Variants in SLC12A4 observed in about 807,000 individuals in gnomAD.
SLC12A4 encodes the protein solute carrier family 12 member 4, also known as electroneutral potassium-chloride cotransporter 1.
SLC12A4 carries 84 observed loss-of-function variants against 119.2 expected under a neutral mutation model. The ratio of observed to expected loss-of-function variants is 0.70; its 90% CI spans 0.59 to 0.85. The LOEUF (loss-of-function observed/expected upper bound fraction) is 0.85, where lower values mean the gene tolerates loss of function less well. Ranked by LOEUF, SLC12A4 falls within the 40% of genes least tolerant of loss-of-function variation. The pLI is 0.00. For synonymous variants in SLC12A4, 599 were observed against 604.6 expected (o/e 0.99, Z 0.14); for missense variants, 1,298 against 1,476.3 (o/e 0.88, Z 1.98).
At chr16:67,956,833 CATAT>C (rs3842354) in intron 5 of SLC12A4, among the ~76,000 whole-genome samples, 4 of 149,264 alleles carry the variant, frequency 2.7e-5, no homozygotes, top group South Asian at 2.1e-4. Context: ...CACACACACA[CATAT>C]ATATATATAT....
In SLC12A4 at chr16:67,947,323, G is replaced by C. The variant is rs528402521; in HGVS notation, c.2072+8C>G. 6.2e-6 allele frequency: 10 copies of C among 1,608,716 alleles called. No homozygotes were observed. The highest frequency in any genetic ancestry group is 8.5e-6 in the Non-Finnish European group (10 of 1,177,016). On this transcript the variant is annotated splice_region_variant and intron_variant, in intron 16 of 23. Coordinates refer to ENST00000316341, the MANE Select transcript of SLC12A4 (RefSeq NM_005072.5). Reference sequence around the variant, plus strand: ...CTGCGCCCTGGCCAGGGTCTGGCGGGAACTCACCGCCAGTTCTTGGTGTGA... The same window carrying C: ...CTGCGCCCTGGCCAGGGTCTGGCGGCAACTCACCGCCAGTTCTTGGTGTGA...
intron 1 of SLC12A4, chr16:67,963,984 C>A: frequency 6.4e-7 from 1 of 1,551,300 alleles, no homozygotes; most frequent in Non-Finnish European, 8.7e-7. Flanking sequence ...CCAGGCAGTG[C>A]CCTCCAGATA....
intron 1 of SLC12A4, chr16:67,964,095 G>A (rs944149566): frequency 3.8e-5 from 58 of 1,522,768 alleles, no homozygotes; most frequent in Non-Finnish European, 4.9e-5. Context: ...GGGCAGCCCG[G>A]GGCATGCCGG....
chr16:67,963,663 G>A (rs1730553588), intron 1 of SLC12A4, 104 bp from the exon 2 acceptor site: 1 of 924,576 alleles, frequency 1.1e-6, no homozygotes, highest in South Asian at 1.7e-5. Context: ...GCACTTTGGA[G>A]CTGCAGTGTC....
chr16:67,943,998 T>C lies in SLC12A4; in HGVS notation c.*842A>G. ...ACTGAGCTCAGCCTTGGGCGTGGTG[T>C]GCGGGGGGAAGAGCACATTGAGGAG... On this transcript the variant is annotated 3_prime_UTR_variant, in exon 24 of 24. Coordinates refer to ENST00000316341, the MANE Select transcript of SLC12A4 (RefSeq NM_005072.5). This position sits in a 1 kb window ranked among gnomAD's most constrained non-coding sequence, Gnocchi z 4.6. The C allele has an allele frequency of 1.9e-6, 3 of 1,548,164 alleles. No homozygotes were observed. The highest frequency in any genetic ancestry group is 2.6e-6 in the Non-Finnish European group (3 of 1,145,768).
At position 67,951,247 on chromosome 16, in the gene SLC12A4, G is replaced by A. The variant is rs1376037749; in HGVS notation, c.1190C>T (p.Pro397Leu). Residue 397 changes from proline (P) to leucine (L), a missense_variant, in exon 9 of 24, where the codon CCC becomes CTC. By Grantham distance (98) the Pro-to-Leu change is moderately conservative. Coordinates refer to ENST00000316341, the MANE Select transcript of SLC12A4 (RefSeq NM_005072.5). This position sits in a 1 kb window ranked among gnomAD's most constrained non-coding sequence, Gnocchi z 5.2. ...KGDIVEKHGL[P>L]SADAPSLKES... ...CTTCAGGCTCGGGGCATCTGCGGAG[G>A]GCAGCCCATGCTTCTCCACGATGTC... 2.5e-6 allele frequency: 4 copies of A among 1,614,036 alleles called. No homozygotes were observed. In the South Asian group the frequency reaches 4.4e-5, roughly 18 times the overall value.
rs779482039 is a variant in SLC12A4 at position 67,946,158 on chromosome 16, C to T, written c.2607+13G>A. 4 of 1,613,718 alleles carry T rather than the reference C, an allele frequency of 2.5e-6. No homozygotes were observed. The highest frequency in any genetic ancestry group is 3.3e-5 in the Admixed American group (2 of 60,026). ...GCCTAGCCCCTCTCATCTGCACCCA[C>T]CCCCTGGTCTACCTTATGCTGGCGC... is the stretch of plus-strand genomic sequence containing the variant. On this transcript the variant is annotated intron_variant, in intron 19 of 23. Coordinates refer to ENST00000316341, the MANE Select transcript of SLC12A4 (RefSeq NM_005072.5).
At chr16:67,966,717 C>A (rs760654159) in intron 1 of SLC12A4, 5 of 1,551,014 alleles carry the variant, frequency 3.2e-6, no homozygotes, top group Non-Finnish European at 3.5e-6. Flanking sequence ...GCCCTCTGAC[C>A]CTTTGCAGTC....
chr16:67,944,251 G>A lies in SLC12A4; in HGVS notation c.*589C>T. The A allele has an allele frequency of 7.0e-7, 1 of 1,429,986 alleles. No individual in the cohort carries two copies. The highest frequency in any genetic ancestry group is 2.7e-5 in the Admixed American group (1 of 36,868). The allele number at this position is 1,429,986 out of a possible 1,614,324, so 88.6% of individuals were successfully genotyped here. A position where few individuals can be genotyped will look rare whatever the true frequency, so the allele number is the denominator to read the frequency against. Reference sequence around the variant, plus strand: ...TGCCGGAAAGGGGCACAGCCTCAGGGAGCCGGCTCTGGGCCTGGGTTCAGT... The same window carrying A: ...TGCCGGAAAGGGGCACAGCCTCAGGAAGCCGGCTCTGGGCCTGGGTTCAGT... On this transcript the variant is annotated 3_prime_UTR_variant, in exon 24 of 24. Coordinates refer to ENST00000316341, the MANE Select transcript of SLC12A4 (RefSeq NM_005072.5). The surrounding 1 kb of genome is among the most constrained non-coding windows in gnomAD (Gnocchi z 6.6).
Position 67,950,228 on chromosome 16 carries a change from G to A in SLC12A4, c.1629+91C>T, listed in dbSNP as rs1347420028. The A allele has an allele frequency of 1.4e-6, 2 of 1,472,822 alleles. No homozygotes were observed. The highest frequency in any genetic ancestry group is 9.2e-7 in the Non-Finnish European group (1 of 1,085,028). 91.2% of individuals were successfully genotyped at this position (1,472,822 alleles called of 1,614,324 possible). A position where few individuals can be genotyped will look rare whatever the true frequency, so the allele number is the denominator to read the frequency against. On this transcript the variant is annotated intron_variant, in intron 12 of 23. Coordinates refer to ENST00000316341, the MANE Select transcript of SLC12A4 (RefSeq NM_005072.5). This position sits in a 1 kb window ranked among gnomAD's most constrained non-coding sequence, Gnocchi z 4.3. ...CTGGCCCCGGGGGCCAATAAGGGCA[G>A]GACGTGCTGCATCTGTGTTCCCTAT...
At position 67,945,527 on chromosome 16, in the gene SLC12A4, C is replaced by T. The variant is rs775304390; in HGVS notation, c.2874G>A (p.Ser958=). Residue 958 remains serine, a synonymous_variant, in exon 22 of 24, where the codon TCG becomes TCA. Coordinates refer to ENST00000316341, the MANE Select transcript of SLC12A4 (RefSeq NM_005072.5). ...REAQLVKDRH[S]ALRLESLYSD... ...AGTACAGGCTCTCCAGCCGCAGGGC[C>T]GAGTGCCGATCCTTGACCAGCTGGG... 6.2e-6 allele frequency: 10 copies of T among 1,613,746 alleles called. No individual in the cohort carries two copies. Among genetic ancestry groups the T allele is most frequent in the South Asian group, 5.5e-5 (5 of 91,080 alleles).
chr16:67,946,250 T>A lies in SLC12A4; in HGVS notation c.2528A>T (p.Glu843Val), dbSNP rs1224594991. Residue 843 changes from glutamate (E) to valine (V), a missense_variant, in exon 19 of 24, where the codon GAG becomes GTG. Glu to Val is a moderately radical substitution (Grantham distance 121, BLOSUM62 -2). Transcript: ENST00000316341. ...FYPSNHERYL[E>V]GHIDVWWIVH... Reference sequence around the variant, plus strand: ...GATCCACCACACGTCTATGTGGCCCTCCAGGTAGCGCTCGTGGTTGCTGGG... The same window carrying A: ...GATCCACCACACGTCTATGTGGCCCACCAGGTAGCGCTCGTGGTTGCTGGG... 3 of 1,613,646 alleles carry A rather than the reference T, an allele frequency of 1.9e-6. No homozygotes were observed. Among genetic ancestry groups the A allele is most frequent in the Non-Finnish European group, 2.5e-6 (3 of 1,180,018 alleles).
At position 67,950,623 on chromosome 16, in the gene SLC12A4, G is replaced by A. The variant is rs1382870841; in HGVS notation, c.1454+31C>T. 6.8e-6 allele frequency: 11 copies of A among 1,609,452 alleles called. No individual in the cohort carries two copies. Among genetic ancestry groups the A allele is most frequent in the South Asian group, 3.3e-5 (3 of 90,498 alleles). On this transcript the variant is annotated intron_variant, in intron 11 of 23. Transcript: ENST00000316341. The surrounding 1 kb of genome is among the most constrained non-coding windows in gnomAD (Gnocchi z 4.3). Reference sequence around the variant, plus strand: ...TGTGAGGGCAGGCCAAAGCCCAGCCGCTGCTAAAGAGGGGGGCCCAGCTCA... The same window carrying A: ...TGTGAGGGCAGGCCAAAGCCCAGCCACTGCTAAAGAGGGGGGCCCAGCTCA...
chr16:67,959,572 C>T (rs1444178820), intron 3 of SLC12A4, among the ~76,000 whole-genome samples: 3 of 152,194 alleles, frequency 2.0e-5, no homozygotes, highest in African/African-American at 7.2e-5. Flanking sequence ...GGCTCCTCAA[C>T]CTGTCCTGCG....
intron 13 of SLC12A4, among the ~76,000 whole-genome samples, chr16:67,948,392 G>A (rs1680103998): frequency 6.6e-6 from 1 of 152,370 alleles, no homozygotes; most frequent in Non-Finnish European, 1.5e-5. Flanking sequence ...GTTGGAGGAG[G>A]TAGGAAGGGG....
chr16:67,966,527 C>T (rs1429520508), intron 1 of SLC12A4, among the ~76,000 whole-genome samples: 4 of 152,244 alleles, frequency 2.6e-5, no homozygotes, highest in African/African-American at 9.6e-5. Flanking sequence ...CCAGGTGACC[C>T]TCCTGATCCC....
At position 67,946,009 on chromosome 16, in the gene SLC12A4, T is replaced by C; in HGVS notation, c.2681A>G (p.Asp894Gly). Residue 894 changes from aspartate (D) to glycine (G), a missense_variant, in exon 20 of 24, where the codon GAC (aspartate) becomes GGC (glycine). Physicochemically the swap from Asp to Gly is moderately conservative, Grantham distance 94 (BLOSUM62 -1). Transcript: ENST00000316341. Reference protein sequence around the residue: ...MDDNSIQMKKDLAVFLYHLRL... With the variant: ...MDDNSIQMKKGLAVFLYHLRL... ...CAGATGGTACAGAAAGACAGCCAGGTCCTTCTTCATCTGGATGCTGTTGTC... is the reference window on the plus strand; with the variant it reads ...CAGATGGTACAGAAAGACAGCCAGGCCCTTCTTCATCTGGATGCTGTTGTC... The C allele has an allele frequency of 6.2e-7, 1 of 1,614,028 alleles. No individual in the cohort carries two copies. The highest frequency in any genetic ancestry group is 1.1e-5 in the South Asian group (1 of 91,084).
At chr16:67,964,934 C>G (rs2030795413) in intron 1 of SLC12A4, among the ~76,000 whole-genome samples, 1 of 152,218 alleles carries the variant, frequency 6.6e-6, no homozygotes. Context: ...ACTAACAAAT[C>G]AAGTGTGCCC....
In SLC12A4 at chr16:67,957,752, A is replaced by T. The variant is rs751608685; in HGVS notation, c.534T>A (p.Gly178=). The part of the protein sequence containing the change: ...AISMSAIATN[G]VVPAGGSYFM... Reference sequence around the variant, plus strand: ...GTGGCGCTCACTGACCTGGAACCACACCGTTGGTGGCGATGGCACTCATGG... The same window carrying T: ...GTGGCGCTCACTGACCTGGAACCACTCCGTTGGTGGCGATGGCACTCATGG... Residue 178 remains glycine (G), a synonymous_variant, in exon 5 of 24, where the codon GGT becomes GGA. Transcript: ENST00000316341. 1 of 1,613,420 alleles carries T rather than the reference A, an allele frequency of 6.2e-7. No individual in the cohort carries two copies. The highest frequency in any genetic ancestry group is 1.7e-5 in the Admixed American group (1 of 60,018).
Sources: allele counts gnomAD v4.1 joint callset (sites outside exome capture counted in the v4.1 genomes callset), GRCh38; gene constraint gnomAD v4.1.1; non-coding constraint Gnocchi (gnomAD v3.1); transcripts MANE v1.5; gene names NCBI Gene and HGNC (gene_info 2026-07-23, HGNC 2026-07-21).